The following UBXN4 variants were observed in gnomAD, a reference collection of about 807,000 sequenced individuals.
The protein encoded by UBXN4 is UBX domain-containing protein 4.
A neutral mutation model predicts 66.2 loss-of-function variants in UBXN4; 35 were observed. The ratio of observed to expected loss-of-function variants is 0.53; its 90% confidence interval spans 0.40 to 0.70. The LOEUF (loss-of-function observed/expected upper bound fraction) is 0.70. Among genes scored for constraint, UBXN4 ranks in the 30% least tolerant of loss-of-function variants. The probability of loss-of-function intolerance (pLI) is 0.00; values close to 1 mark genes in which losing one functional copy is unlikely to be tolerated. For missense variants in UBXN4, 533 were observed against 599.8 expected, an observed-to-expected ratio of 0.89 and a Z score of 1.16; for synonymous variants, 203 against 204.5, an observed-to-expected ratio of 0.99 and a Z score of 0.06.
intron 9 of UBXN4, among the ~76,000 whole-genome samples, chr2:135,773,172 T>C (rs1386946904): frequency 6.6e-6 from 1 of 152,044 alleles, no homozygotes; most frequent in Non-Finnish European, 1.5e-5. Context: ...CCCTATCCGA[T>C]AGGATTAAGC....
In UBXN4 at chr2:135,780,337, C is replaced by T; in HGVS notation, c.1340C>T (p.Thr447Ile). 1.9e-6 allele frequency: 3 copies of T among 1,614,160 alleles called. No individual in the cohort carries two copies. Among genetic ancestry groups the T allele is most frequent in the Non-Finnish European group, 2.5e-6 (3 of 1,180,018 alleles). Residue 447 changes from threonine (T) to isoleucine (I), a missense_variant, in exon 12 of 13, where the codon ACA becomes ATA. Around this residue, in one of 2 missense-constraint regions of UBXN4, gnomAD observed 529 missense variants for 580.1 expected, o/e 0.91. Coordinates refer to ENST00000272638, the MANE Select transcript of UBXN4 (RefSeq NM_014607.4). The stretch of plus-strand genomic sequence containing the variant: ...CCCACACAGACTTCAGTGAGAGTAA[C>T]ATCGTCAGAACCCCCAAACCCTGCA... Reference protein sequence around the residue: ...PPPTQTSVRVTSSEPPNPASS... With the variant: ...PPPTQTSVRVISSEPPNPASS...
chr2:135,774,875 A>G (rs1489885892), intron 9 of UBXN4, among the ~76,000 whole-genome samples: 1 of 151,938 alleles, frequency 6.6e-6, no homozygotes, highest in Non-Finnish European at 1.5e-5. Context: ...AGAACAACCC[A>G]TAGAATTGGA....
At chr2:135,762,444 G>A (rs534438284) in intron 6 of UBXN4, among the ~76,000 whole-genome samples, 5 of 152,118 alleles carry the variant, frequency 3.3e-5, no homozygotes, top group South Asian at 2.1e-4. Context: ...GTGGTTAAGC[G>A]GGAATATTTT....
At chr2:135,762,478 G>T (rs2077321434) in intron 6 of UBXN4, among the ~76,000 whole-genome samples, 1 of 152,118 alleles carries the variant, frequency 6.6e-6, no homozygotes, top group Non-Finnish European at 1.5e-5. Context: ...AACCCCTTTA[G>T]CGTTAGTTAT....
intron 1 of UBXN4, among the ~76,000 whole-genome samples, chr2:135,746,218 A>G (rs2077206826): frequency 6.6e-6 from 1 of 152,108 alleles, no homozygotes; most frequent in African/African-American, 2.4e-5. Flanking sequence ...CCTGAATCTC[A>G]TCTCACAAAA....
intron 1 of UBXN4, among the ~76,000 whole-genome samples, chr2:135,747,021 A>G (rs1234109900): frequency 6.6e-6 from 1 of 152,190 alleles, no homozygotes. Context: ...AGAAAGTTAC[A>G]TTCTTGATTT....
intron 2 of UBXN4, among the ~76,000 whole-genome samples, chr2:135,751,965 CA>C (rs971743137): frequency 1.3e-5 from 2 of 152,216 alleles, no homozygotes; most frequent in Admixed American, 1.3e-4. Flanking sequence ...GGAACCAAAT[CA>C]AGAAAATATA....
At chr2:135,752,481 C>CT (rs1559538405) in intron 2 of UBXN4, among the ~76,000 whole-genome samples, 1 of 152,032 alleles carries the variant, frequency 6.6e-6, no homozygotes, top group Non-Finnish European at 1.5e-5. Flanking sequence ...GCTGGCCTGC[C>CT]TTTTTTTGTG....
Position 135,784,339 on chromosome 2 carries a change from A to T in UBXN4, c.*1452A>T, listed in dbSNP as rs1270062553. The T allele has an allele frequency of 1.3e-5, 2 of 152,206 alleles. No homozygotes were observed. Among genetic ancestry groups the T allele is most frequent in the Non-Finnish European group, 2.9e-5 (2 of 68,026 alleles). 9.4% of individuals were successfully genotyped at this position (152,206 alleles called of 1,614,324 possible). A position where few individuals can be genotyped will look rare whatever the true frequency, so the allele number is the denominator to read the frequency against. On this transcript the variant is annotated 3_prime_UTR_variant, in exon 13 of 13. Transcript: ENST00000272638. ...ACAATACTAATTAACAACTTGGTTT[A>T]ACATGTTTACTGAGCATCTGTTAAG...
At chr2:135,782,497 A>C (rs2077456377) in intron 12 of UBXN4, among the ~76,000 whole-genome samples, 1 of 152,234 alleles carries the variant, frequency 6.6e-6, no homozygotes. Flanking sequence ...TCACTAAGAA[A>C]CACAATGGAA....
At chr2:135,771,503 C>T (rs1216538460) in intron 8 of UBXN4, among the ~76,000 whole-genome samples, 1 of 152,016 alleles carries the variant, frequency 6.6e-6, no homozygotes, top group African/African-American at 2.4e-5. Context: ...AGAAAAAAAG[C>T]CATCCCTACC....
At chr2:135,763,400 C>T (rs2077327686) in intron 6 of UBXN4, among the ~76,000 whole-genome samples, 1 of 152,070 alleles carries the variant, frequency 6.6e-6, no homozygotes, top group Admixed American at 6.6e-5. Context: ...TAAGTTGGAC[C>T]CATCAGTCCC....
chr2:135,743,245 T>C (rs1234647332), intron 1 of UBXN4, among the ~76,000 whole-genome samples: 1 of 152,246 alleles, frequency 6.6e-6, no homozygotes, highest in African/African-American at 2.4e-5. Context: ...AGTTTTTAGC[T>C]CAATGCTGTT....
At chr2:135,779,872 TTTATAA>T (rs59911526) in intron 11 of UBXN4, among the ~76,000 whole-genome samples, 4,674 of 85,562 alleles carry the variant, frequency 0.055, 226 homozygotes, top group African/African-American at 0.12. Flanking sequence ...ATAAAATAAT[TTTATAA>T]TTATAATATA....
At chr2:135,768,381 T>G (rs1384548768) in intron 6 of UBXN4, among the ~76,000 whole-genome samples, 1 of 151,192 alleles carries the variant, frequency 6.6e-6, no homozygotes, top group African/African-American at 2.4e-5. Flanking sequence ...GTATTTTTAG[T>G]GGAAACAGGG....
chr2:135,742,051 C>A, intron 1 of UBXN4, 40 bp downstream of exon 1: 2 of 1,600,700 alleles, frequency 1.2e-6, no homozygotes, highest in East Asian at 2.3e-5. Context: ...CGGGACACCC[C>A]TCCGGCCTAC....
At chr2:135,773,184 A>G (rs957535402) in intron 9 of UBXN4, among the ~76,000 whole-genome samples, 14 of 152,234 alleles carry the variant, frequency 9.2e-5, no homozygotes, top group African/African-American at 3.1e-4. Flanking sequence ...GGATTAAGCA[A>G]AAGAGGAAAT....
At position 135,770,632 on chromosome 2, in the gene UBXN4, G is replaced by A; in HGVS notation, c.719G>A (p.Arg240Lys). Residue 240 changes from arginine to lysine, a missense_variant, in exon 8 of 13, where the codon AGA becomes AAA. Arg to Lys is a conservative substitution (Grantham distance 26). This residue lies in a region of UBXN4 where 529 missense variants were observed against 580.1 expected (regional missense o/e 0.91). Transcript: ENST00000272638. ...KTGKEMLDYK[R>K]KQEEELTKRM... is the part of the protein sequence containing the mutation. ...GGAAAAGAAATGTTGGATTATAAAA[G>A]AAAACAAGAAGAAGAATTAACAAAA... 6.4e-7 allele frequency: 1 copy of A among 1,559,992 alleles called. No homozygotes were observed. The highest frequency in any genetic ancestry group is 1.7e-4 in the Middle Eastern group (1 of 5,848).
intron 8 of UBXN4, 87 bp downstream of exon 8, chr2:135,770,822 A>C: frequency 1.6e-6 from 2 of 1,241,052 alleles, no homozygotes; most frequent in African/African-American, 1.6e-5. Flanking sequence ...ACACAAAAAT[A>C]GATTTTAGTG....
Sources: allele counts gnomAD v4.1 joint callset (sites outside exome capture counted in the v4.1 genomes callset), GRCh38; gene constraint gnomAD v4.1.1; regional missense constraint gnomAD v4.1.1; transcripts MANE v1.5; gene names NCBI Gene and HGNC (gene_info 2026-07-23, HGNC 2026-07-21).